KTN1: variants seen among roughly 807,000 people sequenced by gnomAD.
KTN1 encodes the protein kinectin 1.
In KTN1, 130 loss-of-function variants were observed where a neutral mutation model predicts 222.5. The ratio of observed to expected loss-of-function variants is 0.58; its 90% CI spans 0.51 to 0.68. The LOEUF (loss-of-function observed/expected upper bound fraction) is 0.68. Among genes scored for constraint, KTN1 ranks in the 30% least tolerant of loss-of-function variants. The pLI, the probability that KTN1 is intolerant of heterozygous loss-of-function variation, is 0.00. For synonymous variants in KTN1, 512 were observed against 496.3 expected, an observed-to-expected ratio of 1.03 and a Z score of -0.42; for missense variants, 1,508 against 1,500.4, an observed-to-expected ratio of 1.01 and a Z score of -0.08.
chr14:55,581,082 C>T (rs1022291220), intron 1 of KTN1, among the ~76,000 whole-genome samples: 1 of 152,226 alleles, frequency 6.6e-6, no homozygotes. Context: ...CTGACCCCTT[C>T]AGTTTCCAAA....
intron 43 of KTN1, chr14:55,680,034 C>G (rs1000695636): frequency 1.0e-5 from 2 of 191,400 alleles, no homozygotes; most frequent in Non-Finnish European, 1.1e-5. Flanking sequence ...CTTTTCTCCC[C>G]CCTCCCTTCC....
intron 2 of KTN1, among the ~76,000 whole-genome samples, chr14:55,614,909 A>G (rs143734716): frequency 1.8e-4 from 27 of 152,320 alleles, no homozygotes; most frequent in African/African-American, 4.3e-4. Context: ...TGTGTTTCCA[A>G]TGCCTGTGGG....
intron 18 of KTN1, chr14:55,644,384 A>G: frequency 4.3e-6 from 3 of 702,296 alleles, no homozygotes; most frequent in East Asian, 2.7e-5. Flanking sequence ...GCAGAAACCA[A>G]TAATGGTGCC....
rs756846637 is a variant in KTN1, at chr14:55,673,197, A to G, written c.3713A>G (p.Gln1238Arg). 26 of 1,613,032 alleles carry G rather than the reference A, an allele frequency of 1.6e-5. No homozygotes were observed. The highest frequency in any genetic ancestry group is 1.5e-5 in the Non-Finnish European group (18 of 1,179,388). Reference sequence around the variant, plus strand: ...CTGAAAGATCTGTTGACTGAATTGCAGAAAAAACTTGATGATTCATATTCT... The same window carrying G: ...CTGAAAGATCTGTTGACTGAATTGCGGAAAAAACTTGATGATTCATATTCT... ...RELKDLLTEL[Q>R]KKLDDSYSEA... is the part of the protein sequence containing the mutation. Residue 1238 changes from glutamine to arginine, a missense_variant, in exon 40 of 44, where the codon CAG becomes CGG. Gln to Arg is a conservative substitution (Grantham distance 43, BLOSUM62 1). Coordinates refer to ENST00000395314, the MANE Select transcript of KTN1 (RefSeq NM_001079521.2).
At chr14:55,667,157 T>C (rs1353860560) in intron 33 of KTN1, 84 bp from the exon 34 acceptor site, 2 of 859,648 alleles carry the variant, frequency 2.3e-6, no homozygotes, top group Non-Finnish European at 1.8e-6. Context: ...CGTAGAATTA[T>C]AAAACACTAT....
intron 5 of KTN1, among the ~76,000 whole-genome samples, chr14:55,622,108 A>C (rs2039227240): frequency 6.6e-6 from 1 of 151,988 alleles, no homozygotes; most frequent in African/African-American, 2.4e-5. Context: ...CGGCCTCCCA[A>C]AGTGCTGGGA....
chr14:55,634,671 C>A lies in KTN1; in HGVS notation c.1461+13C>A. ...TACTCAGTTGAAGGTGATATATTCT[C>A]ACCTTTATTTGTCATTTCATGAATA... is the stretch of plus-strand genomic sequence containing the variant. On this transcript the variant is annotated intron_variant, in intron 9 of 43. Coordinates refer to ENST00000395314, the MANE Select transcript of KTN1 (RefSeq NM_001079521.2). 1 of 1,601,906 alleles carries A rather than the reference C, an allele frequency of 6.2e-7. No individual in the cohort carries two copies. The highest frequency in any genetic ancestry group is 8.5e-7 in the Non-Finnish European group (1 of 1,175,276).
At chr14:55,589,138 G>A (rs1198647867) in intron 1 of KTN1, among the ~76,000 whole-genome samples, 1 of 152,098 alleles carries the variant, frequency 6.6e-6, no homozygotes, top group Admixed American at 6.5e-5. Flanking sequence ...ATAAATATAA[G>A]TTAGTTGTAA....
intron 2 of KTN1, among the ~76,000 whole-genome samples, chr14:55,616,078 A>T (rs2038349027): frequency 6.6e-6 from 1 of 151,438 alleles, no homozygotes; most frequent in East Asian, 1.9e-4. Flanking sequence ...CACCTGGCTA[A>T]TTTTTTTTAT....
At chr14:55,627,865 A>G in intron 5 of KTN1, 47 bp from the exon 6 acceptor site, 1 of 1,061,708 alleles carries the variant, frequency 9.4e-7, no homozygotes, top group South Asian at 1.3e-5. Context: ...AATTTTTATT[A>G]GCCCATGGTA....
chr14:55,638,921 T>G (rs1276663742), intron 12 of KTN1, among the ~76,000 whole-genome samples: 4 of 151,808 alleles, frequency 2.6e-5, no homozygotes, highest in African/African-American at 7.2e-5. Context: ...ATTTGTTGCT[T>G]GTCAATTATT....
rs1292854898 is a variant in KTN1, at chr14:55,637,216, T to C, written c.1568T>C (p.Val523Ala). The C allele has an allele frequency of 1.9e-6, 3 of 1,602,274 alleles. No individual in the cohort carries two copies. The highest frequency in any genetic ancestry group is 2.6e-6 in the Non-Finnish European group (3 of 1,174,086). Reference protein sequence around the residue: ...AAQQDLQSKFVAKENEVQSLH... With the variant: ...AAQQDLQSKFAAKENEVQSLH... ...ATTACAGATTTACAGAGTAAATTTG[T>C]GGCCAAAGAAAATGAAGTACAGAGT... The change falls in exon 11 of 44, where the codon GTG (valine) becomes GCG (alanine). Residue 523 changes from valine (V) to alanine (A), a missense_variant. Physicochemically the swap from Val to Ala is moderately conservative, Grantham distance 64. Transcript: ENST00000395314.
intron 28 of KTN1, among the ~76,000 whole-genome samples, chr14:55,654,803 A>G (rs1443392820): frequency 6.6e-6 from 1 of 152,112 alleles, no homozygotes; most frequent in Non-Finnish European, 1.5e-5. Flanking sequence ...GTATCATACA[A>G]AACAGTTTTA....
chr14:55,607,970 ATTTC>A (rs2036985474), intron 1 of KTN1, among the ~76,000 whole-genome samples: 3 of 152,174 alleles, frequency 2.0e-5, no homozygotes, highest in Admixed American at 1.3e-4. Context: ...CACCAGTGTT[ATTTC>A]TTCCATGTGT....
chr14:55,659,883 G>A (rs2043924689), intron 31 of KTN1, among the ~76,000 whole-genome samples, 180 bp downstream of exon 31: 1 of 151,890 alleles, frequency 6.6e-6, no homozygotes, highest in African/African-American at 2.4e-5. Flanking sequence ...CTTTTTTTAT[G>A]GTATTTGGAT....
chr14:55,590,523 C>T (rs1047709978), intron 1 of KTN1, among the ~76,000 whole-genome samples: 1 of 152,118 alleles, frequency 6.6e-6, no homozygotes, highest in African/African-American at 2.4e-5. Flanking sequence ...ACACTCTAAC[C>T]ACTACCTTTC....
At chr14:55,650,015 A>G (rs1288688364) in intron 22 of KTN1, among the ~76,000 whole-genome samples, 1 of 151,888 alleles carries the variant, frequency 6.6e-6, no homozygotes, top group African/African-American at 2.4e-5. Context: ...AAACAAAAAA[A>G]AACTATTTCC....
chr14:55,647,013 A>G lies in KTN1; in HGVS notation c.2207+6A>G, dbSNP rs187959382. On this transcript the variant is annotated splice_donor_region_variant and intron_variant, in intron 19 of 43. Transcript: ENST00000395314. The stretch of plus-strand genomic sequence containing the variant: ...GTGGAACAAATGGAAAAATGGTAAG[A>G]GTTTAGTTTTCTTTTTATATTTTGA... The G allele has an allele frequency of 7.8e-3, 11,604 of 1,490,452 alleles. 70 individuals carry two copies. Among genetic ancestry groups the G allele is most frequent in the Non-Finnish European group, 8.3e-3 (8,901 of 1,071,516 alleles). The allele number at this position is 1,490,452 out of a possible 1,614,324, so 92.3% of individuals were successfully genotyped here.
intron 1 of KTN1, among the ~76,000 whole-genome samples, chr14:55,609,922 A>G (rs2037293923): frequency 6.6e-6 from 1 of 152,182 alleles, no homozygotes; most frequent in Non-Finnish European, 1.5e-5. Flanking sequence ...TTCCTGGTTG[A>G]CGAATCACAC....
Sources: gnomAD v4.1 joint callset for allele counts (sites outside exome capture counted in the v4.1 genomes callset) on GRCh38, gnomAD v4.1.1 for gene constraint, MANE v1.5 for transcripts, NCBI Gene and HGNC (gene_info 2026-07-23, HGNC 2026-07-21) for gene names.